The following SOX5 variants were observed in gnomAD, a reference collection of about 807,000 sequenced individuals.
The protein encoded by SOX5 is transcription factor SOX-5.
Under a neutral mutation model 92.0 loss-of-function variants are expected in SOX5, and 9 were observed. That is an observed-to-expected ratio of 0.10 (90% CI 0.06 to 0.17). The LOEUF (loss-of-function observed/expected upper bound fraction) is 0.17. Ranked by LOEUF, SOX5 falls within the 10% of genes least tolerant of loss-of-function variation. The probability of loss-of-function intolerance (pLI) is 1.00; values close to 1 mark genes in which losing one functional copy is unlikely to be tolerated. For synonymous variants in SOX5, 344 were observed against 336.3 expected, an observed-to-expected ratio of 1.02 and a Z score of -0.25; for missense variants, 642 against 944.5, an observed-to-expected ratio of 0.68 and a Z score of 4.20.
At chr12:23,612,688 T>A (rs762621517) in intron 8 of SOX5, among the ~76,000 whole-genome samples, 1 of 152,188 alleles carries the variant, frequency 6.6e-6, no homozygotes, top group South Asian at 2.1e-4. Context: ...AAAAAATTGT[T>A]GAATATGACC....
chr12:24,275,814 AAC>A (rs1481405739), intron 3 of SOX5, among the ~76,000 whole-genome samples: 1 of 152,126 alleles, frequency 6.6e-6, no homozygotes, highest in Non-Finnish European at 1.5e-5. Flanking sequence ...AAGTTGAACA[AAC>A]ACAAGGTTTC....
chr12:24,297,727 G>A (rs1947439072), intron 2 of SOX5, among the ~76,000 whole-genome samples: 2 of 152,200 alleles, frequency 1.3e-5, no homozygotes. Flanking sequence ...GTCTGGAACT[G>A]TGAGTGACTG....
At chr12:23,834,062 A>T (rs1164857502) in intron 3 of SOX5, among the ~76,000 whole-genome samples, 1 of 151,976 alleles carries the variant, frequency 6.6e-6, no homozygotes, top group Non-Finnish European at 1.5e-5. Flanking sequence ...TGTGGTAAGA[A>T]CTATAGAGAT....
intron 1 of SOX5, among the ~76,000 whole-genome samples, chr12:24,455,997 A>G (rs1553672): frequency 0.95 from 144,181 of 152,182 alleles, 68,325 homozygotes; most frequent in South Asian, 0.98. Context: ...ATCTCAGTCC[A>G]CTTCCTCCCT....
At chr12:24,204,609 G>C (rs12368995) in intron 4 of SOX5, among the ~76,000 whole-genome samples, 1 of 152,070 alleles carries the variant, frequency 6.6e-6, no homozygotes, top group Non-Finnish European at 1.5e-5. Flanking sequence ...GATTACAGGC[G>C]TGAGCTACCA....
chr12:23,683,876 T>G (rs180908207), intron 6 of SOX5, among the ~76,000 whole-genome samples: 457 of 151,564 alleles, frequency 3.0e-3, no homozygotes, highest in African/African-American at 4.7e-3. Flanking sequence ...AAAAAATAAA[T>G]AAAGAAAAAG....
At chr12:23,718,668 AAAAC>A (rs2092644381) in intron 6 of SOX5, among the ~76,000 whole-genome samples, 1 of 152,220 alleles carries the variant, frequency 6.6e-6, no homozygotes, top group Non-Finnish European at 1.5e-5. Flanking sequence ...AAAACCTTAT[AAAAC>A]AACAAATTGA....
intron 7 of SOX5, among the ~76,000 whole-genome samples, chr12:23,658,067 G>A (rs1441708907): frequency 6.6e-6 from 1 of 152,254 alleles, no homozygotes; most frequent in Non-Finnish European, 1.5e-5. Context: ...TGGATTAAAT[G>A]CTGGTTACTA....
chr12:23,923,904 T>C (rs904978896), intron 1 of SOX5, among the ~76,000 whole-genome samples: 1 of 152,222 alleles, frequency 6.6e-6, no homozygotes, highest in Admixed American at 6.5e-5. Flanking sequence ...TTCTTTAATC[T>C]TCAGAGTTTG....
intron 1 of SOX5, among the ~76,000 whole-genome samples, chr12:24,405,386 C>T (rs1396208): frequency 0.39 from 59,944 of 151,880 alleles, 12,275 homozygotes; most frequent in East Asian, 0.57. Context: ...TCACTCATGG[C>T]GTTAGAAAAC....
intron 3 of SOX5, among the ~76,000 whole-genome samples, chr12:23,765,056 T>A (rs2094674958): frequency 6.6e-6 from 1 of 152,086 alleles, no homozygotes; most frequent in African/African-American, 2.4e-5. Context: ...TATATTTTTA[T>A]GTTCTAATAC....
At chr12:24,461,506 T>C (rs1943627002) in intron 1 of SOX5, among the ~76,000 whole-genome samples, 1 of 152,206 alleles carries the variant, frequency 6.6e-6, no homozygotes, top group South Asian at 2.1e-4. Flanking sequence ...ACTAATGAAT[T>C]AACTTCTTAG....
intron 4 of SOX5, among the ~76,000 whole-genome samples, chr12:24,186,106 C>T (rs1403640676): frequency 1.3e-5 from 2 of 151,818 alleles, no homozygotes; most frequent in Admixed American, 1.3e-4. Flanking sequence ...AGAATTTAAC[C>T]TTATCTTTAA....
chr12:24,074,633 A>AG (rs1942278840), intron 4 of SOX5, among the ~76,000 whole-genome samples: 1 of 148,836 alleles, frequency 6.7e-6, no homozygotes. Flanking sequence ...AAACTACCAA[A>AG]AAAAAAAAAA....
rs556063182 is a variant in SOX5, at chr12:23,663,481, A to C, written c.931+1963T>G. On this transcript the variant is annotated intron_variant, in intron 7 of 14. Coordinates refer to ENST00000451604, the MANE Select transcript of SOX5 (RefSeq NM_006940.6). The stretch of plus-strand genomic sequence containing the variant: ...ACGGTTATGCTATTGTTCATACTAA[A>C]TGTGGTTTTCTCTTCAGCACACAAT... Among the ~76,000 whole-genome samples the C allele has an allele frequency of 2.6e-5, 4 of 152,272 alleles. No homozygotes were observed. In the South Asian group the frequency reaches 8.3e-4, roughly 32 times the overall value.
chr12:24,462,829 T>G (rs1304683879), intron 1 of SOX5, among the ~76,000 whole-genome samples: 1 of 152,202 alleles, frequency 6.6e-6, no homozygotes, highest in Non-Finnish European at 1.5e-5. Context: ...CTAGACTTTG[T>G]TGGTAATTTA....
At chr12:24,447,625 CATAAT>C (rs1179742651) in intron 1 of SOX5, among the ~76,000 whole-genome samples, 2 of 152,122 alleles carry the variant, frequency 1.3e-5, no homozygotes, top group African/African-American at 4.8e-5. Context: ...ACTATAACAA[CATAAT>C]ATGTTAACAA....
intron 4 of SOX5, among the ~76,000 whole-genome samples, chr12:24,178,388 T>C (rs1955076094): frequency 6.6e-6 from 1 of 152,036 alleles, no homozygotes; most frequent in African/African-American, 2.4e-5. Context: ...TGCAGAGGCC[T>C]AGAGAAGTCA....
intron 3 of SOX5, among the ~76,000 whole-genome samples, chr12:23,838,123 C>T (rs12320766): frequency 1.5e-5 from 2 of 135,138 alleles, no homozygotes; most frequent in Non-Finnish European, 1.5e-5. Flanking sequence ...TATATTTATA[C>T]AACATATATT....
Sources: allele counts gnomAD v4.1 joint callset (sites outside exome capture counted in the v4.1 genomes callset), GRCh38; gene constraint gnomAD v4.1.1; transcripts MANE v1.5; gene names NCBI Gene and HGNC (gene_info 2026-07-23, HGNC 2026-07-21).